RAB38: variants seen among roughly 807,000 people sequenced by gnomAD.
The protein encoded by RAB38 is RAB38, member RAS oncogene family, also known as ras-related protein Rab-38.
RAB38 carries 15 observed loss-of-function variants against 18.4 expected under a neutral mutation model. The ratio of observed to expected loss-of-function variants is 0.82; its 90% confidence interval spans 0.55 to 1.26. The LOEUF is 1.26. Among genes scored for constraint, RAB38 ranks in the 50% most tolerant of loss-of-function variants. The pLI, the probability that RAB38 is intolerant of heterozygous loss-of-function variation, is 0.00. For missense variants in RAB38, 294 were observed against 267.4 expected, an observed-to-expected ratio of 1.10 and a Z score of -0.69; for synonymous variants, 101 against 104.4, an observed-to-expected ratio of 0.97 and a Z score of 0.20.
the RAB38 span, among the ~76,000 whole-genome samples, chr11:88,006,856 G>T: frequency 6.6e-6 from 1 of 151,130 alleles, no homozygotes; most frequent in Non-Finnish European, 1.5e-5. Flanking sequence ...GGAGGGTTAG[G>T]GTGAGGGTGG....
the RAB38 span, among the ~76,000 whole-genome samples, chr11:87,894,768 TA>T: frequency 6.7e-6 from 1 of 149,810 alleles, no homozygotes; most frequent in Non-Finnish European, 1.5e-5. Flanking sequence ...ATATATCATA[TA>T]TATGTACACA....
chr11:88,105,226 T>C, the RAB38 span, among the ~76,000 whole-genome samples: 4 of 152,116 alleles, frequency 2.6e-5, no homozygotes, highest in African/African-American at 7.2e-5. Flanking sequence ...AAAGTATTCA[T>C]GTGCTTTATT....
chr11:88,126,065 A>C (rs1292456444), intron 2 of RAB38, among the ~76,000 whole-genome samples: 2 of 152,058 alleles, frequency 1.3e-5, no homozygotes, highest in Non-Finnish European at 2.9e-5. Context: ...GTTCTGTTCC[A>C]TTGGTCTATA....
the RAB38 span, among the ~76,000 whole-genome samples, chr11:88,016,725 A>G: frequency 6.6e-6 from 1 of 152,062 alleles, no homozygotes; most frequent in South Asian, 2.1e-4. Context: ...GGTAGATTCA[A>G]GCAGAATAAA....
the RAB38 span, among the ~76,000 whole-genome samples, chr11:87,911,683 T>C: frequency 6.6e-6 from 1 of 152,048 alleles, no homozygotes; most frequent in African/African-American, 2.4e-5. Flanking sequence ...TTTACATCTT[T>C]CTTTCTAATA....
the RAB38 span, among the ~76,000 whole-genome samples, chr11:87,914,515 T>C: frequency 6.6e-6 from 1 of 152,120 alleles, no homozygotes; most frequent in Non-Finnish European, 1.5e-5. Context: ...AGCAAAGAAA[T>C]GACCTAGAGG....
the RAB38 span, among the ~76,000 whole-genome samples, chr11:87,862,364 A>G: frequency 6.6e-6 from 1 of 151,996 alleles, no homozygotes; most frequent in Non-Finnish European, 1.5e-5. Flanking sequence ...TTGCTGGGGC[A>G]TGGATGGGGG....
At chr11:87,809,208 TATGTTGTTC>T in the RAB38 span, among the ~76,000 whole-genome samples, 9 of 152,304 alleles carry the variant, frequency 5.9e-5, no homozygotes, top group Admixed American at 5.9e-4. Context: ...AATTCAGCTA[TATGTTGTTC>T]ACAAGAGCCA....
the RAB38 span, among the ~76,000 whole-genome samples, chr11:88,031,186 T>G: frequency 6.6e-6 from 1 of 152,212 alleles, no homozygotes; most frequent in African/African-American, 2.4e-5. Context: ...AAACGCTTCA[T>G]GCTAAAAACT....
chr11:87,844,810 G>T, the RAB38 span, among the ~76,000 whole-genome samples: 1 of 152,124 alleles, frequency 6.6e-6, no homozygotes, highest in African/African-American at 2.4e-5. Context: ...GAGCAAATAT[G>T]CATGGGACAG....
chr11:87,925,008 G>A, the RAB38 span, among the ~76,000 whole-genome samples: 1 of 151,990 alleles, frequency 6.6e-6, no homozygotes, highest in African/African-American at 2.4e-5. Context: ...GGTAAACGAG[G>A]GAGGTTGGTG....
the RAB38 span, among the ~76,000 whole-genome samples, chr11:88,071,865 G>A: frequency 2.6e-5 from 4 of 152,188 alleles, no homozygotes; most frequent in Non-Finnish European, 5.9e-5. Context: ...GGATTTGAAA[G>A]CTCTGGTGTA....
At chr11:87,925,234 G>C in the RAB38 span, among the ~76,000 whole-genome samples, 1 of 152,092 alleles carries the variant, frequency 6.6e-6, no homozygotes, top group Admixed American at 6.6e-5. Flanking sequence ...CTTACTTGGT[G>C]TAAGTCATAA....
the RAB38 span, among the ~76,000 whole-genome samples, chr11:87,868,610 A>G: frequency 1.4e-5 from 2 of 144,722 alleles, no homozygotes; most frequent in Admixed American, 7.4e-5. Context: ...AGAGAGAGAG[A>G]GAGAGAGAGA....
At chr11:88,098,183 G>A in the RAB38 span, 4 of 151,846 alleles carry the variant, frequency 2.6e-5, no homozygotes, top group African/African-American at 4.8e-5. Flanking sequence ...AACAGGAAAG[G>A]GACACATATT....
intron 2 of RAB38, among the ~76,000 whole-genome samples, chr11:88,119,511 A>G (rs1438021225): frequency 6.6e-6 from 1 of 152,132 alleles, no homozygotes; most frequent in African/African-American, 2.4e-5. Flanking sequence ...AATTTAATAT[A>G]ATCACTCTAA....
the RAB38 span, among the ~76,000 whole-genome samples, chr11:87,818,439 T>C: frequency 6.6e-6 from 1 of 152,112 alleles, no homozygotes; most frequent in Non-Finnish European, 1.5e-5. Context: ...ACCTCCATTT[T>C]AGAGGTGAGA....
chr11:87,971,269 G>A, the RAB38 span, among the ~76,000 whole-genome samples: 3 of 152,200 alleles, frequency 2.0e-5, no homozygotes, highest in East Asian at 5.8e-4. Flanking sequence ...GGGGAGGCAA[G>A]CAGAGCAGTC....
chr11:87,936,608 A>G, the RAB38 span, among the ~76,000 whole-genome samples: 1 of 152,096 alleles, frequency 6.6e-6, no homozygotes, highest in Non-Finnish European at 1.5e-5. Context: ...ATTTGGGTAG[A>G]TGGATTCCTT....
Sources: gnomAD v4.1 joint callset for allele counts (sites outside exome capture counted in the v4.1 genomes callset) on GRCh38, gnomAD v4.1.1 for gene constraint, MANE v1.5 for transcripts, NCBI Gene and HGNC (gene_info 2026-07-23, HGNC 2026-07-21) for gene names.